PTGS2: variants seen among roughly 807,000 people sequenced by gnomAD.
PTGS2 encodes prostaglandin G/H synthase 2.
Under a neutral mutation model 63.8 loss-of-function variants are expected in PTGS2, and 14 were observed. The ratio of observed to expected loss-of-function variants is 0.22; its 90% CI spans 0.14 to 0.34. PTGS2 has a LOEUF of 0.34. Ranked by LOEUF, PTGS2 falls within the 10% of genes least tolerant of loss-of-function variation. PTGS2 has a pLI of 1.00. For missense variants in PTGS2, 533 were observed against 738.5 expected (o/e 0.72, Z 3.23); for synonymous variants, 271 against 259.5 (o/e 1.04, Z -0.43).
At position 186,677,663 on chromosome 1, in the gene PTGS2, C is replaced by T. The variant is rs751815873; in HGVS notation, c.625G>A (p.Gly209Arg). ...CTCTATCTTACCCCATGGCCCAGCC[C>T]GTTGGTGAAAGCTGGCCCTCGCTTA... is the stretch of plus-strand genomic sequence containing the variant. ...DHKRGPAFTN[G>R]LGHGVDLNHI... Residue 209 changes from glycine (G) to arginine (R), a missense_variant, in exon 5 of 10, where the codon GGG becomes AGG. By Grantham distance (125) the Gly-to-Arg change is moderately radical. Coordinates refer to ENST00000367468, the MANE Select transcript of PTGS2 (RefSeq NM_000963.4). 11 of 1,610,876 alleles carry T rather than the reference C, an allele frequency of 6.8e-6. No homozygotes were observed. The highest frequency in any genetic ancestry group is 7.6e-6 in the Non-Finnish European group (9 of 1,178,880).
chr1:186,677,649 C>G lies in PTGS2; in HGVS notation c.639G>C (p.Gly213=). 6.2e-7 allele frequency: 1 copy of G among 1,604,836 alleles called. No individual in the cohort carries two copies. The highest frequency in any genetic ancestry group is 8.5e-7 in the Non-Finnish European group (1 of 1,176,384). Residue 213 remains glycine, a splice_region_variant and synonymous_variant, in exon 5 of 10, where the codon GGG becomes GGC. Coordinates refer to ENST00000367468, the MANE Select transcript of PTGS2 (RefSeq NM_000963.4). ...GPAFTNGLGH[G]VDLNHIYGET... Reference sequence around the variant, plus strand: ...CTCTAAGATATTAACTCTATCTTACCCCATGGCCCAGCCCGTTGGTGAAAG... The same window carrying G: ...CTCTAAGATATTAACTCTATCTTACGCCATGGCCCAGCCCGTTGGTGAAAG...
rs775752439 is a variant in PTGS2 at position 186,676,000 on chromosome 1, G to A, written c.1155C>T (p.Asp385=). 1 of 1,613,910 alleles carries A rather than the reference G, an allele frequency of 6.2e-7. No individual in the cohort carries two copies. Among genetic ancestry groups the A allele is most frequent in the Admixed American group, 1.7e-5 (1 of 60,022 alleles). The change falls in exon 8 of 10, where the codon GAC becomes GAT. Residue 385 remains aspartate, a synonymous_variant. Transcript: ENST00000367468. ...PLLPDTFQIH[D]QKYNYQQFIY... Reference sequence around the variant, plus strand: ...TAAACTGTTGATAGTTGTATTTCTGGTCATGAATTTGAAAGGTGTCAGGCA... The same window carrying A: ...TAAACTGTTGATAGTTGTATTTCTGATCATGAATTTGAAAGGTGTCAGGCA...
In PTGS2 at chr1:186,676,667, G is replaced by A; in HGVS notation, c.770C>T (p.Ala257Val). ...GACTTGAGGAGGGTAGATCATCTCT[G>A]CCTGAGTATCTTTGACTGTGGGAGG... ...MYPPTVKDTQ[A>V]EMIYPPQVPE... Residue 257 changes from alanine to valine, a missense_variant, in exon 7 of 10, where the codon GCA (alanine) becomes GTA (valine). By Grantham distance (64) the Ala-to-Val change is moderately conservative. This residue lies in a region of PTGS2 where 118 missense variants were observed against 138.7 expected (regional missense o/e 0.85). Transcript: ENST00000367468. 6.2e-7 allele frequency: 1 copy of A among 1,613,956 alleles called. No homozygotes were observed. The highest frequency in any genetic ancestry group is 2.2e-5 in the East Asian group (1 of 44,878).
Position 186,675,955 on chromosome 1 carries a change from C to A in PTGS2, c.1200G>T (p.Leu400Phe). 7 of 1,613,906 alleles carry A rather than the reference C, an allele frequency of 4.3e-6. No individual in the cohort carries two copies. Among genetic ancestry groups the A allele is most frequent in the Non-Finnish European group, 5.9e-6 (7 of 1,179,924 alleles). ...YQQFIYNNSI[L>F]LEHGITQFVE... Reference sequence around the variant, plus strand: ...CAAACTGGGTAATTCCATGTTCCAGCAATATAGAGTTGTTGTAGATAAACT... The same window carrying A: ...CAAACTGGGTAATTCCATGTTCCAGAAATATAGAGTTGTTGTAGATAAACT... Residue 400 changes from leucine (L) to phenylalanine (F), a missense_variant, in exon 8 of 10, where the codon TTG (leucine) becomes TTT (phenylalanine). Physicochemically the swap from Leu to Phe is conservative, Grantham distance 22 (BLOSUM62 0). This residue lies in a region of PTGS2 where 219 missense variants were observed against 267.4 expected (regional missense o/e 0.82). Coordinates refer to ENST00000367468, the MANE Select transcript of PTGS2 (RefSeq NM_000963.4).
intron 8 of PTGS2, 98 bp from the exon 9 acceptor site, chr1:186,675,494 C>G: frequency 1.5e-6 from 2 of 1,356,710 alleles, no homozygotes; most frequent in South Asian, 2.8e-5. Flanking sequence ...AACTGAAACT[C>G]CCAGCGGAGA....
Position 186,679,143 on chromosome 1 carries a change from G to A in PTGS2, c.228C>T (p.Tyr76=). The A allele has an allele frequency of 1.2e-6, 2 of 1,614,072 alleles. No homozygotes were observed. Among genetic ancestry groups the A allele is most frequent in the Non-Finnish European group, 1.7e-6 (2 of 1,179,990 alleles). The stretch of plus-strand genomic sequence containing the variant: ...AAAATCCCTTGAAGTGGGTAAGTAT[G>A]TAGTGCACTGTGTTTGGAGTGGGTT... ...FLKPTPNTVH[Y]ILTHFKGFWN... The change falls in exon 3 of 10, where the codon TAC becomes TAT. Residue 76 remains tyrosine, a synonymous_variant. Transcript: ENST00000367468.
intron 6 of PTGS2, 44 bp from the exon 7 acceptor site, chr1:186,676,757 G>A: frequency 6.3e-7 from 1 of 1,597,542 alleles, no homozygotes; most frequent in South Asian, 1.1e-5. Flanking sequence ...AAAAAGTTAA[G>A]GAACACATTT....
Position 186,673,407 on chromosome 1 carries a change from T to C in PTGS2, c.*946A>G, listed in dbSNP as rs917849791. ...TTGCTTCAAAAGTTTAAACCTAAAT[T>C]TGAACAATAATTTGGTTTTCTTCTT... On this transcript the variant is annotated 3_prime_UTR_variant, in exon 10 of 10. Coordinates refer to ENST00000367468, the MANE Select transcript of PTGS2 (RefSeq NM_000963.4). The C allele has an allele frequency of 1.3e-5, 2 of 152,202 alleles. No homozygotes were observed. The highest frequency in any genetic ancestry group is 2.9e-5 in the Non-Finnish European group (2 of 68,026). 9.4% of individuals were successfully genotyped at this position (152,202 alleles called of 1,614,324 possible).
chr1:186,675,193 A>C (rs4648281), intron 9 of PTGS2, 56 bp downstream of exon 9: 1 of 1,594,198 alleles, frequency 6.3e-7, no homozygotes, highest in Non-Finnish European at 8.5e-7. Flanking sequence ...AAAACCAAAA[A>C]CAACAAAAAC....
chr1:186,678,179 A>T, intron 4 of PTGS2, 82 bp downstream of exon 4: 1 of 1,355,040 alleles, frequency 7.4e-7, no homozygotes, highest in Non-Finnish European at 9.9e-7. Flanking sequence ...AATAAATGGT[A>T]GTCTAAGGTC....
intron 3 of PTGS2, among the ~76,000 whole-genome samples, chr1:186,678,747 T>G (rs1665824968): frequency 6.6e-6 from 1 of 152,206 alleles, no homozygotes; most frequent in Non-Finnish European, 1.5e-5. Context: ...AAATTTATTT[T>G]AATGGGTGCT....
chr1:186,676,300 C>T (rs1665779401), intron 7 of PTGS2, 116 bp from the exon 8 acceptor site: 1 of 1,375,186 alleles, frequency 7.3e-7, no homozygotes, highest in Admixed American at 2.5e-5. Flanking sequence ...TCTTCCTTGT[C>T]AGTATCAAAA....
rs1288949457 is a variant in PTGS2, at chr1:186,673,033, A to G, written c.*1320T>C. On this transcript the variant is annotated 3_prime_UTR_variant, in exon 10 of 10. Coordinates refer to ENST00000367468, the MANE Select transcript of PTGS2 (RefSeq NM_000963.4). The stretch of plus-strand genomic sequence containing the variant: ...GTGAACTCTGATCTTAAAACTAGTA[A>G]AACAAAATAGGAGAAACGAAGTGAT... The G allele has an allele frequency of 6.6e-6, 1 of 152,146 alleles. No individual in the cohort carries two copies. Among genetic ancestry groups the G allele is most frequent in the Non-Finnish European group, 1.5e-5 (1 of 67,996 alleles). 9.4% of individuals were successfully genotyped at this position (152,146 alleles called of 1,614,324 possible). A position where few individuals can be genotyped will look rare whatever the true frequency, so the allele number is the denominator to read the frequency against.
intron 3 of PTGS2, 54 bp from the exon 4 acceptor site, chr1:186,678,458 C>A (rs937373114): frequency 6.1e-6 from 9 of 1,467,984 alleles, no homozygotes; most frequent in Non-Finnish European, 8.3e-6. Flanking sequence ...TTAAGTAAAT[C>A]AACCATTATT....
chr1:186,676,052 T>C lies in PTGS2; in HGVS notation c.1103A>G (p.Asn368Ser), dbSNP rs766401496. 6.2e-7 allele frequency: 1 copy of C among 1,614,146 alleles called. No homozygotes were observed. The highest frequency in any genetic ancestry group is 8.5e-7 in the Non-Finnish European group (1 of 1,180,010). Reference protein sequence around the residue: ...QYQNRIAAEFNTLYHWHPLLP... With the variant: ...QYQNRIAAEFSTLYHWHPLLP... ...AAGGGGATGCCAGTGATAGAGGGTGTTAAATTCAGCAGCAATACGATTTTG... is the reference window on the plus strand; with the variant it reads ...AAGGGGATGCCAGTGATAGAGGGTGCTAAATTCAGCAGCAATACGATTTTG... The change falls in exon 8 of 10, where the codon AAC (asparagine) becomes AGC (serine). Residue 368 changes from asparagine (N) to serine (S), a missense_variant. By Grantham distance (46) the Asn-to-Ser change is conservative. Transcript: ENST00000367468.
At chr1:186,674,930 G>A (rs1216012412) in intron 9 of PTGS2, among the ~76,000 whole-genome samples, 168 bp from the exon 10 acceptor site, 5 of 152,220 alleles carry the variant, frequency 3.3e-5, no homozygotes, top group African/African-American at 1.2e-4. Flanking sequence ...TGTAATCCCA[G>A]CACTTCGGGA....
intron 1 of PTGS2, among the ~76,000 whole-genome samples, chr1:186,679,796 A>C (rs1665844062): frequency 6.6e-6 from 1 of 152,226 alleles, no homozygotes; most frequent in African/African-American, 2.4e-5. Flanking sequence ...AATTCAAAGT[A>C]AAACAGCTTA....
intron 8 of PTGS2, 68 bp downstream of exon 8, chr1:186,675,830 A>G (rs1665769068): frequency 7.0e-7 from 1 of 1,432,740 alleles, no homozygotes; most frequent in African/African-American, 1.4e-5. Context: ...AAGAAAAATA[A>G]TTTCCGTGGC....
In PTGS2 at chr1:186,676,567, G is replaced by T; in HGVS notation, c.870C>A (p.Ile290=). The T allele has an allele frequency of 1.2e-6, 2 of 1,614,158 alleles. No homozygotes were observed. The highest frequency in any genetic ancestry group is 1.7e-6 in the Non-Finnish European group (2 of 1,180,032). The change falls in exon 7 of 10, where the codon ATC becomes ATA. Residue 290 remains isoleucine (I), a synonymous_variant. Transcript: ENST00000367468. ...LVPGLMMYAT[I]WLREHNRVCD... is the part of the protein sequence containing the mutation. ...ATACTCTGTTGTGTTCCCGCAGCCAGATTGTGGCATACATCATCAGACCAG... is the reference window on the plus strand; with the variant it reads ...ATACTCTGTTGTGTTCCCGCAGCCATATTGTGGCATACATCATCAGACCAG...
Sources: gnomAD v4.1 joint callset for allele counts (sites outside exome capture counted in the v4.1 genomes callset) on GRCh38, gnomAD v4.1.1 for gene constraint, gnomAD v4.1.1 regional missense constraint, MANE v1.5 for transcripts, NCBI Gene and HGNC (gene_info 2026-07-23, HGNC 2026-07-21) for gene names.